Variants in CDK19 observed in about 807,000 individuals in gnomAD.
The protein encoded by CDK19 is cyclin dependent kinase 19.
CDK19 carries 20 observed loss-of-function variants against 68.3 expected under a neutral mutation model. The ratio of observed to expected loss-of-function variants is 0.29; its 90% CI spans 0.21 to 0.43. CDK19 has a LOEUF of 0.43. Among genes scored for constraint, CDK19 ranks in the 20% least tolerant of loss-of-function variants. The probability of loss-of-function intolerance (pLI) is 1.00; values close to 1 mark genes in which losing one functional copy is unlikely to be tolerated. For missense variants in CDK19, 339 were observed against 623.5 expected, an observed-to-expected ratio of 0.54 and a Z score of 4.86; for synonymous variants, 221 against 222.8, an observed-to-expected ratio of 0.99 and a Z score of 0.07.
At chr6:110,684,132 A>G (rs1232529285) in intron 2 of CDK19, among the ~76,000 whole-genome samples, 1 of 152,188 alleles carries the variant, frequency 6.6e-6, no homozygotes, top group Non-Finnish European at 1.5e-5. Flanking sequence ...CAAAGAGTTT[A>G]CAAAGTAAAA....
chr6:110,646,340 G>A (rs549818192), intron 4 of CDK19: 2 of 1,467,814 alleles, frequency 1.4e-6, no homozygotes, highest in South Asian at 1.4e-5. Context: ...ACGACGGCAT[G>A]CACTTCGAGT....
chr6:110,781,451 A>G (rs559484693), intron 1 of CDK19, among the ~76,000 whole-genome samples: 52 of 152,316 alleles, frequency 3.4e-4, no homozygotes, highest in African/African-American at 1.1e-3. Context: ...CCGGAGATCA[A>G]TTTCCAACCT....
rs1236840476 is a variant in CDK19 at position 110,623,793 on chromosome 6, TAC to T, written c.861-433_861-432del. On this transcript the variant is annotated intron_variant, in intron 8 of 12. Coordinates refer to ENST00000368911, the MANE Select transcript of CDK19 (RefSeq NM_015076.5). ...ATATATATACATATATACACATATA[TAC>T]ACACACATATACACATATATACACA... is the stretch of plus-strand genomic sequence containing the variant. Among the ~76,000 whole-genome samples, 7 of 147,302 alleles carry T rather than the reference TAC, an allele frequency of 4.8e-5. No homozygotes were observed. In the South Asian group the frequency reaches 8.4e-4, roughly 18 times the overall value.
At chr6:110,620,994 G>A in intron 12 of CDK19, 110 bp downstream of exon 12, 1 of 1,015,038 alleles carries the variant, frequency 9.9e-7, no homozygotes, top group African/African-American at 1.6e-5. Context: ...CTAGAAACAG[G>A]ATTGCACAGT....
At chr6:110,778,268 T>C (rs1035077115) in intron 1 of CDK19, among the ~76,000 whole-genome samples, 2 of 152,234 alleles carry the variant, frequency 1.3e-5, no homozygotes, top group African/African-American at 2.4e-5. Context: ...GTTTAATGTA[T>C]ATTGTCATAT....
At chr6:110,717,335 C>A (rs1180486067) in intron 2 of CDK19, among the ~76,000 whole-genome samples, 1 of 151,572 alleles carries the variant, frequency 6.6e-6, no homozygotes, top group African/African-American at 2.4e-5. Flanking sequence ...CACTTTAAAT[C>A]TTTTTATGGA....
chr6:110,698,383 T>G (rs555592842), intron 2 of CDK19, among the ~76,000 whole-genome samples: 1 of 150,188 alleles, frequency 6.7e-6, no homozygotes. Context: ...GATATACAAA[T>G]GGTCAATAAA....
chr6:110,696,538 G>C (rs1313063542), intron 2 of CDK19, among the ~76,000 whole-genome samples: 1 of 152,082 alleles, frequency 6.6e-6, no homozygotes, highest in African/African-American at 2.4e-5. Context: ...CATCCACATT[G>C]GTAAAAAGGA....
At chr6:110,709,762 A>G (rs1053299805) in intron 2 of CDK19, among the ~76,000 whole-genome samples, 3 of 152,204 alleles carry the variant, frequency 2.0e-5, no homozygotes, top group Non-Finnish European at 2.9e-5. Flanking sequence ...ATGTAATTCT[A>G]ATTCACAATC....
At chr6:110,741,913 C>T (rs1393122271) in intron 2 of CDK19, among the ~76,000 whole-genome samples, 2 of 151,964 alleles carry the variant, frequency 1.3e-5, no homozygotes, top group Admixed American at 1.3e-4. Flanking sequence ...ACCTGATATA[C>T]AAAAAAATAC....
chr6:110,702,678 A>C (rs1453941764), intron 2 of CDK19, among the ~76,000 whole-genome samples: 1 of 152,176 alleles, frequency 6.6e-6, no homozygotes, highest in Non-Finnish European at 1.5e-5. Context: ...TTAAAAAAAT[A>C]AGATCTGTAT....
rs561991424 is a variant in CDK19, at chr6:110,653,560, C to T, written c.456+13874G>A. 1.2e-4 allele frequency among the ~76,000 whole-genome samples: 18 copies of T among 152,302 alleles called. 1 individual carries two copies. In the South Asian group the frequency reaches 3.3e-3, roughly 28 times the overall value. On this transcript the variant is annotated intron_variant, in intron 4 of 12. Transcript: ENST00000368911. ...AGAAAGTGATACTGCTGGGTTTGCA[C>T]ACTTTGGTTACCATAGAAACAGTAG...
At chr6:110,623,899 A>ATATATATATACGTG (rs1562130267) in intron 8 of CDK19, among the ~76,000 whole-genome samples, 7 of 11,504 alleles carry the variant, frequency 6.1e-4, no homozygotes, top group East Asian at 0.091. Flanking sequence ...ATGTGTGTGT[A>ATATATATATACGTG]TATATATATA....
intron 1 of CDK19, among the ~76,000 whole-genome samples, chr6:110,770,197 A>G (rs1024897739): frequency 6.6e-6 from 1 of 152,222 alleles, no homozygotes; most frequent in South Asian, 2.1e-4. Flanking sequence ...CCAACTTCAC[A>G]TAAGGTGTAT....
intron 2 of CDK19, among the ~76,000 whole-genome samples, chr6:110,701,938 C>T (rs1334477016): frequency 2.0e-5 from 3 of 151,452 alleles, no homozygotes; most frequent in Admixed American, 6.6e-5. Flanking sequence ...GTCAGGAGTT[C>T]GAGACCAGCT....
chr6:110,749,406 C>T (rs905300107), intron 1 of CDK19, among the ~76,000 whole-genome samples: 5 of 118,782 alleles, frequency 4.2e-5, no homozygotes, highest in Admixed American at 7.4e-5. Context: ...CAAATGTGTC[C>T]CCCAAGTACA....
chr6:110,635,784 G>A (rs537897000), intron 5 of CDK19, among the ~76,000 whole-genome samples: 13 of 152,284 alleles, frequency 8.5e-5, no homozygotes, highest in South Asian at 2.1e-4. Context: ...TGATCTGCCC[G>A]CCTTGGCCTC....
intron 4 of CDK19, among the ~76,000 whole-genome samples, chr6:110,667,045 G>T (rs1038372125): frequency 6.6e-6 from 1 of 151,848 alleles, no homozygotes; most frequent in African/African-American, 2.4e-5. Context: ...CATTATTTCA[G>T]TTTAGATCTT....
At chr6:110,685,774 T>C (rs1562195986) in intron 2 of CDK19, among the ~76,000 whole-genome samples, 1 of 152,234 alleles carries the variant, frequency 6.6e-6, no homozygotes, top group Non-Finnish European at 1.5e-5. Context: ...CTATTTTTCC[T>C]GTAAATAATT....
Sources: gnomAD v4.1 joint callset for allele counts (sites outside exome capture counted in the v4.1 genomes callset) on GRCh38, gnomAD v4.1.1 for gene constraint, MANE v1.5 for transcripts, NCBI Gene and HGNC (gene_info 2026-07-23, HGNC 2026-07-21) for gene names.